Variants in SAMD4B observed in about 807,000 individuals in gnomAD.
The protein encoded by SAMD4B is sterile alpha motif domain containing 4B, also known as protein Smaug homolog 2.
A neutral mutation model predicts 74.5 loss-of-function variants in SAMD4B; 5 were observed. That is an observed-to-expected ratio of 0.07 (90% CI 0.04 to 0.14). The LOEUF (loss-of-function observed/expected upper bound fraction) is 0.14. Ranked by LOEUF, SAMD4B falls within the 10% of genes least tolerant of loss-of-function variation. SAMD4B has a pLI of 1.00. For synonymous variants in SAMD4B, 373 were observed against 374.9 expected (o/e 1.00, Z 0.06); for missense variants, 608 against 921.8 (o/e 0.66, Z 4.41).
downstream of SAMD4B, chr19:39,386,566 G>A (rs2078254852): frequency 2.5e-6 from 4 of 1,613,938 alleles, no homozygotes; most frequent in Non-Finnish European, 2.5e-6. This position sits in a 1 kb window ranked among gnomAD's most constrained non-coding sequence, Gnocchi z 6.1. Context: ...TGGGCCTTCC[G>A]TGCCTCCTGG....
downstream of SAMD4B, chr19:39,385,941 T>C: frequency 2.5e-6 from 4 of 1,605,408 alleles, no homozygotes; most frequent in Non-Finnish European, 3.4e-6. Context: ...AGAAAAGTGC[T>C]TTGCTGCTCA....
At position 39,375,629 on chromosome 19, in the gene SAMD4B, C is replaced by G; in HGVS notation, c.668-21C>G. ...TTGGGTCCCCAGGTCTAATATTTTG[C>G]TTTTCTCCCACTCTGGCCAGGTCTC... On this transcript the variant is annotated intron_variant, in intron 4 of 13. Transcript: ENST00000610417. The surrounding 1 kb of genome is among the most constrained non-coding windows in gnomAD (Gnocchi z 4.1). 1 of 1,590,902 alleles carries G rather than the reference C, an allele frequency of 6.3e-7. No individual in the cohort carries two copies. The highest frequency in any genetic ancestry group is 8.6e-7 in the Non-Finnish European group (1 of 1,161,258).
chr19:39,383,863 C>G lies in SAMD4B; in HGVS notation c.*336C>G, dbSNP rs920081002. On this transcript the variant is annotated 3_prime_UTR_variant, in exon 14 of 14. Coordinates refer to ENST00000610417, the MANE Select transcript of SAMD4B (RefSeq NM_001384574.2). This position sits in a 1 kb window ranked among gnomAD's most constrained non-coding sequence, Gnocchi z 4.1. Reference sequence around the variant, plus strand: ...CTCCTCCAGACCGCTGACCACCTGCCTCTCCCCAAGGGAGCAGACTCCCCA... The same window carrying G: ...CTCCTCCAGACCGCTGACCACCTGCGTCTCCCCAAGGGAGCAGACTCCCCA... The G allele has an allele frequency of 3.1e-5, 22 of 712,572 alleles. No individual in the cohort carries two copies. The highest frequency in any genetic ancestry group is 3.0e-5 in the Non-Finnish European group (13 of 431,688). 44.1% of individuals were successfully genotyped at this position (712,572 alleles called of 1,614,324 possible). A position where few individuals can be genotyped will look rare whatever the true frequency, so the allele number is the denominator to read the frequency against.
At chr19:39,388,944 G>C, downstream of SAMD4B, 1 of 1,614,032 alleles carries the variant, frequency 6.2e-7, no homozygotes, top group Non-Finnish European at 8.5e-7. Flanking sequence ...CCTTGGGCCT[G>C]ACCTTAAAGT....
chr19:39,366,017 A>C (rs937086278), intron 3 of SAMD4B, among the ~76,000 whole-genome samples: 2 of 152,098 alleles, frequency 1.3e-5, no homozygotes, highest in African/African-American at 4.8e-5. Context: ...CTTGGCCAAC[A>C]TAGTGAAAAA....
intron 4 of SAMD4B, 39 bp downstream of exon 4, chr19:39,370,164 GA>G: frequency 6.5e-7 from 1 of 1,541,646 alleles, no homozygotes; most frequent in Non-Finnish European, 8.8e-7. Context: ...ATGCCTACTT[GA>G]AAAAGGTTGG....
chr19:39,388,713 G>A, downstream of SAMD4B: 1 of 1,609,808 alleles, frequency 6.2e-7, no homozygotes, highest in Non-Finnish European at 8.5e-7. Flanking sequence ...GAAGTGTGAG[G>A]ACAAGAGGCA....
At chr19:39,388,142 A>G (rs2078293658), downstream of SAMD4B, among the ~76,000 whole-genome samples, 1 of 152,088 alleles carries the variant, frequency 6.6e-6, no homozygotes, top group Non-Finnish European at 1.5e-5. Context: ...CTCCATCTCA[A>G]AAAAAAAGAT....
At chr19:39,366,362 T>C (rs2076964163) in intron 3 of SAMD4B, among the ~76,000 whole-genome samples, 1 of 151,388 alleles carries the variant, frequency 6.6e-6, no homozygotes, top group South Asian at 2.1e-4. Flanking sequence ...TCCCAGCTAC[T>C]TGGGAGGCCG....
At chr19:39,379,316 T>C (rs1329575138) in intron 9 of SAMD4B, among the ~76,000 whole-genome samples, 1 of 152,196 alleles carries the variant, frequency 6.6e-6, no homozygotes, top group Non-Finnish European at 1.5e-5. Flanking sequence ...CATACTCTTT[T>C]GTCAGCAACA....
intron 4 of SAMD4B, among the ~76,000 whole-genome samples, chr19:39,370,996 G>A (rs570562985): frequency 6.6e-6 from 1 of 152,228 alleles, no homozygotes; most frequent in Non-Finnish European, 1.5e-5. Context: ...AACTAAGCAG[G>A]TTTGAAAGAG....
In SAMD4B at chr19:39,370,138, G is replaced by T; in HGVS notation, c.667+13G>T. On this transcript the variant is annotated intron_variant, in intron 4 of 13. Transcript: ENST00000610417. ...AATGCAAACACAGGTAAGTGGCGGG[G>T]GTGTCCCAGAAGGCCATGCCTACTT... 2 of 1,565,468 alleles carry T rather than the reference G, an allele frequency of 1.3e-6. No individual in the cohort carries two copies. The highest frequency in any genetic ancestry group is 2.3e-5 in the South Asian group (2 of 85,274).
At chr19:39,382,955 A>T (rs2078091846) in intron 12 of SAMD4B, among the ~76,000 whole-genome samples, 1 of 151,900 alleles carries the variant, frequency 6.6e-6, no homozygotes, top group South Asian at 2.1e-4. Context: ...GGCCTCCAGG[A>T]GCTCCTTCAG....
Position 39,375,715 on chromosome 19 carries a change from C to G in SAMD4B, c.733C>G (p.Gln245Glu). 1 of 1,614,154 alleles carries G rather than the reference C, an allele frequency of 6.2e-7. No homozygotes were observed. Among genetic ancestry groups the G allele is most frequent in the Non-Finnish European group, 8.5e-7 (1 of 1,179,990 alleles). ...CATGTCACTCATCCCTACAAGCCCC[C>G]AGGTCCCTGGTGAGTGGCCGAGTCC... is the stretch of plus-strand genomic sequence containing the variant. ...RSMSLIPTSP[Q>E]VPGEWPSPEE... Residue 245 changes from glutamine to glutamate, a missense_variant, in exon 5 of 14, where the codon CAG becomes GAG. Around this residue, in one of 9 missense-constraint regions of SAMD4B, gnomAD observed 153 missense variants for 153.0 expected, o/e 1.00. Coordinates refer to ENST00000610417, the MANE Select transcript of SAMD4B (RefSeq NM_001384574.2). The surrounding 1 kb of genome is among the most constrained non-coding windows in gnomAD (Gnocchi z 4.1).
Position 39,385,180 on chromosome 19 carries a change from T to G in SAMD4B, c.*1653T>G. On this transcript the variant is annotated 3_prime_UTR_variant, in exon 14 of 14. Transcript: ENST00000610417. ...GCAAGTCCCCCACCCCGGCCCTCCA[T>G]GTTTCTGTGCCTTTGCTCATCCCCT... 6.9e-5 allele frequency: 11 copies of G among 159,366 alleles called. No individual in the cohort carries two copies. Among genetic ancestry groups the G allele is most frequent in the East Asian group, 1.8e-4 (1 of 5,476 alleles). The allele number at this position is 159,366 out of a possible 1,614,324, so 9.9% of individuals were successfully genotyped here.
intron 4 of SAMD4B, among the ~76,000 whole-genome samples, chr19:39,370,552 A>G (rs1413065403): frequency 6.6e-6 from 1 of 151,224 alleles, no homozygotes; most frequent in Admixed American, 6.6e-5. Context: ...GCTCCCACCA[A>G]CCCCCCTTTG....
chr19:39,367,131 G>A (rs867250355), intron 3 of SAMD4B, among the ~76,000 whole-genome samples: 2 of 152,194 alleles, frequency 1.3e-5, no homozygotes, highest in African/African-American at 4.8e-5. Flanking sequence ...GATCACACTT[G>A]CCCAGAGTCA....
rs771691036 is a variant in SAMD4B, at chr19:39,378,231, A to C, written c.1445-273A>C. On this transcript the variant is annotated intron_variant, in intron 8 of 13. Coordinates refer to ENST00000610417, the MANE Select transcript of SAMD4B (RefSeq NM_001384574.2). This position sits in a 1 kb window ranked among gnomAD's most constrained non-coding sequence, Gnocchi z 4.4. ...TACAGCAGACTTTACACTTGGATCCAGATCAGTCTAGATCTGGATCTGGAC... is the reference window on the plus strand; with the variant it reads ...TACAGCAGACTTTACACTTGGATCCCGATCAGTCTAGATCTGGATCTGGAC... 2.0e-5 allele frequency among the ~76,000 whole-genome samples: 3 copies of C among 152,200 alleles called. No homozygotes were observed. The highest frequency in any genetic ancestry group is 4.4e-5 in the Non-Finnish European group (3 of 68,030).
At chr19:39,343,766 C>T (rs1454185162) in intron 1 of SAMD4B, among the ~76,000 whole-genome samples, 2 of 151,930 alleles carry the variant, frequency 1.3e-5, no homozygotes, top group Admixed American at 6.6e-5. Context: ...CACATCTTTT[C>T]CAGTCCCCCA....
Sources: allele counts gnomAD v4.1 joint callset (sites outside exome capture counted in the v4.1 genomes callset), GRCh38; gene constraint gnomAD v4.1.1; regional missense constraint gnomAD v4.1.1; non-coding constraint Gnocchi (gnomAD v3.1); transcripts MANE v1.5; gene names NCBI Gene and HGNC (gene_info 2026-07-23, HGNC 2026-07-21).